Variants in UTP3 observed in about 807,000 individuals in gnomAD.
UTP3 encodes UTP3 small subunit processome component, also known as something about silencing protein 10.
UTP3 carries 19 observed loss-of-function variants against 37.9 expected under a neutral mutation model. The ratio of observed to expected loss-of-function variants is 0.50; its 90% CI spans 0.35 to 0.74. The LOEUF is 0.74. Ranked by LOEUF, UTP3 falls within the 30% of genes least tolerant of loss-of-function variation. The pLI, the probability that UTP3 is intolerant of heterozygous loss-of-function variation, is 0.01. For missense variants in UTP3, 504 were observed against 570.7 expected (o/e 0.88, Z 1.19); for synonymous variants, 242 against 218.5 (o/e 1.11, Z -0.95).
chr4:70,688,620 G>A lies in UTP3; in HGVS notation c.-58G>A. ...AGTTACCGGAGCGCCTGATTCCTGC[G>A]CCGAAGTCAGTGGTGGCCGAAAGTC... On this transcript the variant is annotated 5_prime_UTR_variant, in exon 1 of 1. Coordinates refer to ENST00000254803, the MANE Select transcript of UTP3 (RefSeq NM_020368.3). 2.6e-6 allele frequency: 4 copies of A among 1,522,712 alleles called. No individual in the cohort carries two copies. The highest frequency in any genetic ancestry group is 2.4e-5 in the East Asian group (1 of 41,988). The allele number at this position is 1,522,712 out of a possible 1,614,324, so 94.3% of individuals were successfully genotyped here.
Position 70,689,159 on chromosome 4 carries a change from A to T in UTP3, c.482A>T (p.Glu161Val), listed in dbSNP as rs1232508852. 6.2e-7 allele frequency: 1 copy of T among 1,613,910 alleles called. No individual in the cohort carries two copies. Among genetic ancestry groups the T allele is most frequent in the African/African-American group, 1.3e-5 (1 of 74,886 alleles). Residue 161 changes from glutamate (E) to valine (V), a missense_variant, in exon 1 of 1, where the codon GAG (glutamate) becomes GTG (valine). Coordinates refer to ENST00000254803, the MANE Select transcript of UTP3 (RefSeq NM_020368.3). ...GAGGCAGAGGAGGAGGAAAGAGAGGAGGAGGAGGAGGCACAGATCATTCAG... is the reference window on the plus strand; with the variant it reads ...GAGGCAGAGGAGGAGGAAAGAGAGGTGGAGGAGGAGGCACAGATCATTCAG... ...QQEAEEEERE[E>V]EEEAQIIQRR...
At position 70,689,121 on chromosome 4, in the gene UTP3, G is replaced by A. The variant is rs376391430; in HGVS notation, c.444G>A (p.Arg148=). Residue 148 remains arginine (R), a synonymous_variant, in exon 1 of 1, where the codon CGG becomes CGA. Transcript: ENST00000254803. The stretch of plus-strand genomic sequence containing the variant: ...ACTATGGTTCCAAGTCCCGAGGCCG[G>A]CAGAGTCAACAGGAGGCAGAGGAGG... ...DTDYGSKSRG[R]QSQQEAEEEE... 63 of 1,613,408 alleles carry A rather than the reference G, an allele frequency of 3.9e-5. No individual in the cohort carries two copies. In the East Asian group the frequency reaches 7.8e-4, roughly 20 times the overall value.
chr4:70,688,586 A>G lies in UTP3; in HGVS notation c.-92A>G, dbSNP rs1354766369. ...GTGGTAGGGGAGCGCGCTGCTGTTT[A>G]GAGCCACGAGTTACCGGAGCGCCTG... On this transcript the variant is annotated 5_prime_UTR_variant, in exon 1 of 1. Coordinates refer to ENST00000254803, the MANE Select transcript of UTP3 (RefSeq NM_020368.3). 1.5e-6 allele frequency: 2 copies of G among 1,344,708 alleles called. No homozygotes were observed. The highest frequency in any genetic ancestry group is 2.0e-6 in the Non-Finnish European group (2 of 991,174). The allele number at this position is 1,344,708 out of a possible 1,614,324, so 83.3% of individuals were successfully genotyped here.
chr4:70,690,148 T>A lies in UTP3; in HGVS notation c.*31T>A. ...TTGCTTAGCATAAGGTTTTTGGCAG[T>A]TTTGGATCAATAAATTTTTACTTTT... On this transcript the variant is annotated 3_prime_UTR_variant, in exon 1 of 1. Coordinates refer to ENST00000254803, the MANE Select transcript of UTP3 (RefSeq NM_020368.3). 1 of 1,528,256 alleles carries A rather than the reference T, an allele frequency of 6.5e-7. No individual in the cohort carries two copies. The allele number at this position is 1,528,256 out of a possible 1,614,324, so 94.7% of individuals were successfully genotyped here.
Position 70,689,681 on chromosome 4 carries a change from AAG to A in UTP3, c.1006_1007del (p.Glu336ThrfsTer30). The A allele has an allele frequency of 6.2e-7, 1 of 1,614,232 alleles. No individual in the cohort carries two copies. The highest frequency in any genetic ancestry group is 8.5e-7 in the Non-Finnish European group (1 of 1,180,036). ...ACACTTAAGGATGATGCTGTAAAGA[AAG>A]AACTGATTCCAAAAGCAAAATCCAC... On this transcript the variant is annotated frameshift_variant, in exon 1 of 1. Transcript: ENST00000254803. LOFTEE classifies it high-confidence loss of function.
chr4:70,690,200 A>C lies in UTP3; in HGVS notation c.*83A>C, dbSNP rs1739591937. 7.7e-7 allele frequency: 1 copy of C among 1,292,668 alleles called. No homozygotes were observed. The highest frequency in any genetic ancestry group is 1.0e-6 in the Non-Finnish European group (1 of 1,000,914). 80.1% of individuals were successfully genotyped at this position (1,292,668 alleles called of 1,614,324 possible). On this transcript the variant is annotated 3_prime_UTR_variant, in exon 1 of 1. Transcript: ENST00000254803. ...ACTAAAGTCATTGTATTAATATATA[A>C]TACTTTAAATTTTAAAAATTCTTGT...
Position 70,688,836 on chromosome 4 carries a change from G to C in UTP3, c.159G>C (p.Glu53Asp). The change falls in exon 1 of 1, where the codon GAG becomes GAC. Residue 53 changes from glutamate to aspartate, a missense_variant. Physicochemically the swap from Glu to Asp is conservative, Grantham distance 45. Transcript: ENST00000254803. ...AAGATCAGGTAGATGACTTTCATGA[G>C]GCACGATCCCGGGCCGCCTTAGCTA... ...YYQDQVDDFH[E>D]ARSRAALAKG... 6.2e-7 allele frequency: 1 copy of C among 1,614,146 alleles called. No individual in the cohort carries two copies. Among genetic ancestry groups the C allele is most frequent in the East Asian group, 2.2e-5 (1 of 44,878 alleles).
chr4:70,689,377 A>C lies in UTP3; in HGVS notation c.700A>C (p.Lys234Gln). 1.9e-6 allele frequency: 3 copies of C among 1,614,154 alleles called. No homozygotes were observed. Among genetic ancestry groups the C allele is most frequent in the Non-Finnish European group, 2.5e-6 (3 of 1,180,002 alleles). Residue 234 changes from lysine to glutamine, a missense_variant, in exon 1 of 1, where the codon AAA becomes CAA. By Grantham distance (53) the Lys-to-Gln change is moderately conservative. Coordinates refer to ENST00000254803, the MANE Select transcript of UTP3 (RefSeq NM_020368.3). ...ACTCTTGGAGCTGATAGAAGACCTGAAAGTCAAGTTGACAGAGGTTAAGGA... is the reference window on the plus strand; with the variant it reads ...ACTCTTGGAGCTGATAGAAGACCTGCAAGTCAAGTTGACAGAGGTTAAGGA... The part of the protein sequence containing the change: ...PELLELIEDL[K>Q]VKLTEVKDEL...
Position 70,689,418 on chromosome 4 carries a change from GT to G in UTP3, c.743del (p.Leu248Ter). Reference protein sequence around the residue: ...TEVKDELEPLLELVEQGIIPP... With the variant: ...TEVKDELEPLXELVEQGIIPP... The stretch of plus-strand genomic sequence containing the variant: ...AGGTTAAGGATGAGCTGGAGCCATT[GT>G]TAGAGTTGGTGGAACAAGGGATCAT... On this transcript the variant is annotated frameshift_variant, in exon 1 of 1. Coordinates refer to ENST00000254803, the MANE Select transcript of UTP3 (RefSeq NM_020368.3). LOFTEE classifies it high-confidence loss of function. The G allele has an allele frequency of 6.2e-7, 1 of 1,614,206 alleles. No homozygotes were observed. The highest frequency in any genetic ancestry group is 8.5e-7 in the Non-Finnish European group (1 of 1,180,028).
Position 70,688,566 on chromosome 4 carries a change from A to C in UTP3, c.-112A>C. On this transcript the variant is annotated 5_prime_UTR_variant, in exon 1 of 1. Transcript: ENST00000254803. ...TCAGGAGTCTGCAAACTCCGGTGGTAGGGGAGCGCGCTGCTGTTTAGAGCC... is the reference window on the plus strand; with the variant it reads ...TCAGGAGTCTGCAAACTCCGGTGGTCGGGGAGCGCGCTGCTGTTTAGAGCC... 1 of 1,081,726 alleles carries C rather than the reference A, an allele frequency of 9.2e-7. No homozygotes were observed. The highest frequency in any genetic ancestry group is 1.6e-5 in the South Asian group (1 of 62,464). 67.0% of individuals were successfully genotyped at this position (1,081,726 alleles called of 1,614,324 possible). A position where few individuals can be genotyped will look rare whatever the true frequency, so the allele number is the denominator to read the frequency against.
rs898866806 is a variant in UTP3, at chr4:70,688,939, G to C, written c.262G>C (p.Asp88His). The part of the protein sequence containing the change: ...EEEEVLALDM[D>H]DEDDEDGGNA... ...GGAGGAGGTGCTAGCCCTAGATATG[G>C]ACGATGAGGACGACGAAGATGGAGG... The change falls in exon 1 of 1, where the codon GAC becomes CAC. Residue 88 changes from aspartate to histidine, a missense_variant. Physicochemically the swap from Asp to His is moderately conservative, Grantham distance 81 (BLOSUM62 -1). Transcript: ENST00000254803. 4 of 1,609,990 alleles carry C rather than the reference G, an allele frequency of 2.5e-6. No individual in the cohort carries two copies. In the African/African-American group the frequency reaches 5.4e-5, roughly 22 times the overall value.
At position 70,688,686 on chromosome 4, in the gene UTP3, G is replaced by A; in HGVS notation, c.9G>A (p.Gly3=). 6.2e-7 allele frequency: 1 copy of A among 1,612,790 alleles called. No individual in the cohort carries two copies. Among genetic ancestry groups the A allele is most frequent in the Non-Finnish European group, 8.5e-7 (1 of 1,179,742 alleles). ...ACCTGAGATTGTGAGCCATGGTGGGGAGATCCCGGCGGCGCGGAGCAGCTA... is the reference window on the plus strand; with the variant it reads ...ACCTGAGATTGTGAGCCATGGTGGGAAGATCCCGGCGGCGCGGAGCAGCTA... MV[G]RSRRRGAAKW... is the part of the protein sequence containing the mutation. Residue 3 remains glycine, a synonymous_variant, in exon 1 of 1, where the codon GGG becomes GGA. Transcript: ENST00000254803.
chr4:70,688,977 G>A lies in UTP3; in HGVS notation c.300G>A (p.Glu100=). ...EDDEDGGNAG[E]EEEEENADDD... is the part of the protein sequence containing the mutation. ...ACGAAGATGGAGGGAATGCGGGGGA[G>A]GAGGAGGAGGAGGAGAATGCCGATG... Residue 100 remains glutamate, a synonymous_variant, in exon 1 of 1, where the codon GAG becomes GAA. Coordinates refer to ENST00000254803, the MANE Select transcript of UTP3 (RefSeq NM_020368.3). The A allele has an allele frequency of 2.5e-6, 4 of 1,594,926 alleles. No individual in the cohort carries two copies. Among genetic ancestry groups the A allele is most frequent in the Non-Finnish European group, 3.4e-6 (4 of 1,169,884 alleles).
Position 70,690,185 on chromosome 4 carries a change from T to C in UTP3, c.*68T>C, listed in dbSNP as rs968966780. On this transcript the variant is annotated 3_prime_UTR_variant, in exon 1 of 1. Transcript: ENST00000254803. The stretch of plus-strand genomic sequence containing the variant: ...AAATTTTTACTTTTAACTAAAGTCA[T>C]TGTATTAATATATAATACTTTAAAT... 2 of 1,465,102 alleles carry C rather than the reference T, an allele frequency of 1.4e-6. No individual in the cohort carries two copies. The highest frequency in any genetic ancestry group is 1.8e-6 in the Non-Finnish European group (2 of 1,103,262). The allele number at this position is 1,465,102 out of a possible 1,614,324, so 90.8% of individuals were successfully genotyped here. A position where few individuals can be genotyped will look rare whatever the true frequency, so the allele number is the denominator to read the frequency against.
In UTP3 at chr4:70,689,813, A is replaced by G. The variant is rs1739583298; in HGVS notation, c.1136A>G (p.Tyr379Cys). Residue 379 changes from tyrosine to cysteine, a missense_variant, in exon 1 of 1, where the codon TAT becomes TGT. Transcript: ENST00000254803. ...GATGAAAAAGCAAAACTGAAGTACT[A>G]TAAAGAAATAGAAGACAGGCAAAAG... Reference protein sequence around the residue: ...DFDEKAKLKYYKEIEDRQKLK... With the variant: ...DFDEKAKLKYCKEIEDRQKLK... The G allele has an allele frequency of 3.1e-6, 5 of 1,613,682 alleles. No homozygotes were observed. The highest frequency in any genetic ancestry group is 1.1e-5 in the South Asian group (1 of 91,038).
rs2148536536 is a variant in UTP3 at position 70,689,694 on chromosome 4, A to G, written c.1017A>G (p.Pro339=). The change falls in exon 1 of 1, where the codon CCA becomes CCG. Residue 339 remains proline (P), a synonymous_variant. Coordinates refer to ENST00000254803, the MANE Select transcript of UTP3 (RefSeq NM_020368.3). ...ATGCTGTAAAGAAAGAACTGATTCC[A>G]AAAGCAAAATCCACCAAGCCCAAAC... ...KDDAVKKELI[P]KAKSTKPKPK... 1.9e-6 allele frequency: 3 copies of G among 1,614,228 alleles called. No homozygotes were observed. Among genetic ancestry groups the G allele is most frequent in the Non-Finnish European group, 1.7e-6 (2 of 1,180,040 alleles).
Position 70,689,758 on chromosome 4 carries a change from G to T in UTP3, c.1081G>T (p.Val361Phe), listed in dbSNP as rs1334312502. 4 of 1,613,820 alleles carry T rather than the reference G, an allele frequency of 2.5e-6. No individual in the cohort carries two copies. In the African/African-American group the frequency reaches 5.3e-5, roughly 22 times the overall value. The change falls in exon 1 of 1, where the codon GTT (valine) becomes TTT (phenylalanine). Residue 361 changes from valine (V) to phenylalanine (F), a missense_variant. Transcript: ENST00000254803. ...AAAGACTTCTGCTGCTGCCTGTGCT[G>T]TTACAGATCTTTCTGATGATTCTGA... ...VSKTSAAACA[V>F]TDLSDDSDFD...
Position 70,688,796 on chromosome 4 carries a change from A to C in UTP3, c.119A>C (p.Asp40Ala). The C allele has an allele frequency of 6.2e-7, 1 of 1,614,232 alleles. No homozygotes were observed. Among genetic ancestry groups the C allele is most frequent in the South Asian group, 1.1e-5 (1 of 91,090 alleles). The change falls in exon 1 of 1, where the codon GAC becomes GCC. Residue 40 changes from aspartate (D) to alanine (A), a missense_variant. Transcript: ENST00000254803. The part of the protein sequence containing the change: ...DDLGLPPSPG[D>A]TSYYQDQVDD... ...TTAGGATTGCCACCCTCACCAGGGG[A>C]CACCAGCTACTACCAAGATCAGGTA...
At position 70,690,189 on chromosome 4, in the gene UTP3, A is replaced by G. The variant is rs1739591769; in HGVS notation, c.*72A>G. ...TTTTACTTTTAACTAAAGTCATTGT[A>G]TTAATATATAATACTTTAAATTTTA... On this transcript the variant is annotated 3_prime_UTR_variant, in exon 1 of 1. Coordinates refer to ENST00000254803, the MANE Select transcript of UTP3 (RefSeq NM_020368.3). The G allele has an allele frequency of 7.0e-7, 1 of 1,425,662 alleles. No homozygotes were observed. Among genetic ancestry groups the G allele is most frequent in the Non-Finnish European group, 9.3e-7 (1 of 1,080,522 alleles). 88.3% of individuals were successfully genotyped at this position (1,425,662 alleles called of 1,614,324 possible). A position where few individuals can be genotyped will look rare whatever the true frequency, so the allele number is the denominator to read the frequency against.
Sources: gnomAD v4.1 joint callset for allele counts on GRCh38, gnomAD v4.1.1 for gene constraint, MANE v1.5 for transcripts, NCBI Gene and HGNC (gene_info 2026-07-23, HGNC 2026-07-21) for gene names.